Variants in ADAMTS20 observed in about 807,000 individuals in gnomAD.
ADAMTS20 encodes the protein A disintegrin and metalloproteinase with thrombospondin motifs 20.
A neutral mutation model predicts 260.1 loss-of-function variants in ADAMTS20; 225 were observed. The observed-to-expected ratio is 0.87, with a 90% CI of 0.78 to 0.97. The LOEUF (loss-of-function observed/expected upper bound fraction) is 0.97, where lower values mean the gene tolerates loss of function less well. ADAMTS20 is among the 50% of genes least tolerant of loss of function. The pLI is 0.00. For missense variants in ADAMTS20, 2,400 were observed against 2,337.7 expected (o/e 1.03, Z -0.55); for synonymous variants, 802 against 769.5 (o/e 1.04, Z -0.70).
chr12:43,488,025 T>C (rs1240152033), intron 7 of ADAMTS20, among the ~76,000 whole-genome samples: 1 of 152,046 alleles, frequency 6.6e-6, no homozygotes, highest in Non-Finnish European at 1.5e-5. Context: ...ATTATGAATG[T>C]AATTTCACAG....
rs536681259 is a variant in ADAMTS20 at position 43,372,682 on chromosome 12, A to T, written c.5446+2697T>A. 2.0e-5 allele frequency among the ~76,000 whole-genome samples: 3 copies of T among 152,358 alleles called. No individual in the cohort carries two copies. In the East Asian group the frequency reaches 5.8e-4, roughly 29 times the overall value. On this transcript the variant is annotated intron_variant, in intron 36 of 38. Coordinates refer to ENST00000389420, the MANE Select transcript of ADAMTS20 (RefSeq NM_025003.5). ...GAGGATGTGAGAGAGATTAGGAAAT[A>T]TGCTGAAATAACGTTCTTGAGTAGG...
intron 6 of ADAMTS20, 154 bp downstream of exon 6, chr12:43,492,351 C>T (rs1342050209): frequency 3.3e-6 from 3 of 897,302 alleles, no homozygotes; most frequent in African/African-American, 1.7e-5. Flanking sequence ...CTGCACTCCA[C>T]CCTGGGCGAC....
intron 28 of ADAMTS20, among the ~76,000 whole-genome samples, chr12:43,414,239 C>A (rs1941088507): frequency 6.6e-6 from 1 of 152,098 alleles, no homozygotes; most frequent in East Asian, 1.9e-4. Context: ...TAAAATAAAT[C>A]TTTGCTACAC....
intron 28 of ADAMTS20, among the ~76,000 whole-genome samples, chr12:43,403,614 G>A (rs1026091430): frequency 6.6e-6 from 1 of 151,822 alleles, no homozygotes; most frequent in East Asian, 1.9e-4. Context: ...TCTGGGTAAA[G>A]GTAAGATGAA....
Position 43,429,600 on chromosome 12 carries a change from T to G in ADAMTS20, c.3489+17A>C, listed in dbSNP as rs1354462485. On this transcript the variant is annotated intron_variant, in intron 24 of 38. Transcript: ENST00000389420. ...ACCATAATAGAAACACTGTATCTAT[T>G]AAAGAAATTCACTTACTGGGGTCCA... The G allele has an allele frequency of 6.5e-6, 10 of 1,541,388 alleles. No homozygotes were observed. The highest frequency in any genetic ancestry group is 8.8e-6 in the Non-Finnish European group (10 of 1,133,464).
At chr12:43,535,990 G>A (rs74861720) in intron 2 of ADAMTS20, among the ~76,000 whole-genome samples, 3,506 of 152,122 alleles carry the variant, frequency 0.023, 84 homozygotes, top group East Asian at 0.1. Context: ...TCCCTCTCTC[G>A]AGTCAGGTGA....
intron 28 of ADAMTS20, among the ~76,000 whole-genome samples, chr12:43,418,216 CAGT>C (rs1173998054): frequency 6.6e-6 from 1 of 152,128 alleles, no homozygotes; most frequent in East Asian, 1.9e-4. Context: ...AAACATTTAG[CAGT>C]AGTTGAGAAA....
At chr12:43,438,183 TC>T (rs1941593363) in intron 18 of ADAMTS20, among the ~76,000 whole-genome samples, 1 of 152,168 alleles carries the variant, frequency 6.6e-6, no homozygotes, top group Admixed American at 6.5e-5. Context: ...CCAAATCGTC[TC>T]CCACCATGTT....
intron 32 of ADAMTS20, among the ~76,000 whole-genome samples, 158 bp downstream of exon 32, chr12:43,377,207 G>A (rs946382345): frequency 1.3e-5 from 2 of 152,098 alleles, no homozygotes; most frequent in Non-Finnish European, 2.9e-5. Flanking sequence ...TCGAACAAGA[G>A]ATAAAATATT....
intron 37 of ADAMTS20, among the ~76,000 whole-genome samples, chr12:43,368,897 T>C: frequency 6.6e-6 from 1 of 152,030 alleles, no homozygotes. Flanking sequence ...CAGACTGTCA[T>C]TTGGAGGACG....
intron 22 of ADAMTS20, among the ~76,000 whole-genome samples, chr12:43,430,793 C>A (rs1941427835): frequency 6.6e-6 from 1 of 152,134 alleles, no homozygotes; most frequent in Admixed American, 6.5e-5. Context: ...TTTTCAAACA[C>A]CACCTAGTGT....
chr12:43,353,752 A>T (rs1013542504), downstream of ADAMTS20: 3 of 152,200 alleles, frequency 2.0e-5, no homozygotes, highest in African/African-American at 7.2e-5. Flanking sequence ...TGTCGGAAAG[A>T]TTCAATAATG....
rs555018190 is a variant in ADAMTS20, at chr12:43,470,979, G to C, written c.1118-2274C>G. On this transcript the variant is annotated intron_variant, in intron 7 of 38. Transcript: ENST00000389420. ...ATTCAAATACCTTAACTATCGGGGA[G>C]GAGCCAAGATGGCCGAATAGGAACA... Among the ~76,000 whole-genome samples the C allele has an allele frequency of 5.3e-5, 8 of 152,328 alleles. No homozygotes were observed. The South Asian group carries it at 1.7e-3, about 32-fold the overall frequency.
chr12:43,519,664 C>A (rs1943045339), intron 3 of ADAMTS20, among the ~76,000 whole-genome samples: 2 of 152,140 alleles, frequency 1.3e-5, no homozygotes, highest in Non-Finnish European at 2.9e-5. Flanking sequence ...CTTCTCATTT[C>A]TTCTCCCGGC....
chr12:43,444,024 C>A, intron 15 of ADAMTS20, 141 bp from the exon 16 acceptor site: 1 of 612,182 alleles, frequency 1.6e-6, no homozygotes, highest in South Asian at 2.2e-5. Context: ...AGTGGTTATT[C>A]TTTTTGAGTC....
chr12:43,466,653 C>A lies in ADAMTS20; in HGVS notation c.1366G>T (p.Asp456Tyr). ...ATTATTTAACATAAATTTACTTACT[C>A]TAGGAATTCAGTAACATATTTCCGA... ...CSRKYVTEFL[D>Y]TGYGECLLDK... is the part of the protein sequence containing the mutation. The change falls in exon 9 of 39, where the codon GAT becomes TAT. Residue 456 changes from aspartate to tyrosine, a missense_variant and splice_region_variant. Transcript: ENST00000389420. The A allele has an allele frequency of 6.2e-7, 1 of 1,604,766 alleles. No individual in the cohort carries two copies. The highest frequency in any genetic ancestry group is 8.5e-7 in the Non-Finnish European group (1 of 1,176,622).
intron 3 of ADAMTS20, among the ~76,000 whole-genome samples, chr12:43,526,825 A>G (rs1253754490): frequency 2.6e-5 from 4 of 152,192 alleles, no homozygotes; most frequent in African/African-American, 9.7e-5. Context: ...AAGAAAATAA[A>G]TAACAAAGTT....
chr12:43,409,670 A>C (rs1021720398), intron 28 of ADAMTS20, among the ~76,000 whole-genome samples: 1 of 151,188 alleles, frequency 6.6e-6, no homozygotes, highest in African/African-American at 2.4e-5. Context: ...CCCAATATTT[A>C]ACCAGAAAGA....
In ADAMTS20 at chr12:43,551,286, C is replaced by G. The variant is rs760573688; in HGVS notation, c.92-16G>C. 6.2e-7 allele frequency: 1 copy of G among 1,605,204 alleles called. No homozygotes were observed. The highest frequency in any genetic ancestry group is 8.5e-7 in the Non-Finnish European group (1 of 1,174,372). Reference sequence around the variant, plus strand: ...ACCAGGGCTTCTGCAACAACAGCGACAGGACCAGTGAGCTCCCACGCGTTC... The same window carrying G: ...ACCAGGGCTTCTGCAACAACAGCGAGAGGACCAGTGAGCTCCCACGCGTTC... On this transcript the variant is annotated splice_polypyrimidine_tract_variant and intron_variant, in intron 1 of 38. Transcript: ENST00000389420. The surrounding 1 kb of genome is among the most constrained non-coding windows in gnomAD (Gnocchi z 4.6).
Sources: gnomAD v4.1 joint callset for allele counts (sites outside exome capture counted in the v4.1 genomes callset) on GRCh38, gnomAD v4.1.1 for gene constraint, Gnocchi (gnomAD v3.1) non-coding constraint, MANE v1.5 for transcripts, NCBI Gene and HGNC (gene_info 2026-07-23, HGNC 2026-07-21) for gene names.